KCNJ3: variants seen among roughly 807,000 people sequenced by gnomAD.
KCNJ3 encodes potassium inwardly rectifying channel subfamily J member 3, also known as G protein-activated inward rectifier potassium channel 1.
In KCNJ3, 4 loss-of-function variants were observed where a neutral mutation model predicts 39.2. The ratio of observed to expected loss-of-function variants is 0.10; its 90% CI spans 0.05 to 0.23. The LOEUF (loss-of-function observed/expected upper bound fraction) is 0.23. Ranked by LOEUF, KCNJ3 falls within the 10% of genes least tolerant of loss-of-function variation. The pLI is 1.00. For missense variants in KCNJ3, 276 were observed against 634.9 expected (o/e 0.43, Z 6.08); for synonymous variants, 230 against 237.4 (o/e 0.97, Z 0.29).
rs562673420 is a variant in KCNJ3 at position 154,778,908 on chromosome 2, G to A, written c.919+69089G>A. Among the ~76,000 whole-genome samples the A allele has an allele frequency of 1.5e-4, 23 of 151,934 alleles. No individual in the cohort carries two copies. The East Asian group carries it at 4.3e-3, about 28-fold the overall frequency. On this transcript the variant is annotated intron_variant, in intron 2 of 2. Transcript: ENST00000295101. ...TTTGAAGGGGGCTAAAACTTTTTAC[G>A]TTAGCACCAAAGGGTTGATGCAATG...
intron 2 of KCNJ3, among the ~76,000 whole-genome samples, chr2:154,786,870 A>G (rs1686538980): frequency 6.6e-6 from 1 of 152,168 alleles, no homozygotes; most frequent in African/African-American, 2.4e-5. Flanking sequence ...TTAGACGTGG[A>G]CTCTCAGGGG....
chr2:154,741,296 T>C (rs1214594532), intron 2 of KCNJ3, among the ~76,000 whole-genome samples: 1 of 151,968 alleles, frequency 6.6e-6, no homozygotes, highest in Non-Finnish European at 1.5e-5. Flanking sequence ...CACATTCTGA[T>C]AACTGCTTAT....
chr2:154,851,032 T>G (rs1485439383), intron 2 of KCNJ3, among the ~76,000 whole-genome samples: 1 of 152,028 alleles, frequency 6.6e-6, no homozygotes. Context: ...GGAGGATTAC[T>G]TGAGGCTAGG....
chr2:154,804,150 A>G (rs1363044778), intron 2 of KCNJ3, among the ~76,000 whole-genome samples: 1 of 152,150 alleles, frequency 6.6e-6, no homozygotes, highest in Non-Finnish European at 1.5e-5. Context: ...TAAAAATAAT[A>G]TCTGTTTCAA....
intron 2 of KCNJ3, among the ~76,000 whole-genome samples, chr2:154,735,971 G>T (rs149758343): frequency 6.6e-6 from 1 of 152,204 alleles, no homozygotes; most frequent in African/African-American, 2.4e-5. Flanking sequence ...ATTAAAATCT[G>T]TAATAAGTTC....
chr2:154,747,800 A>G lies in KCNJ3; in HGVS notation c.919+37981A>G, dbSNP rs545019866. On this transcript the variant is annotated intron_variant, in intron 2 of 2. Coordinates refer to ENST00000295101, the MANE Select transcript of KCNJ3 (RefSeq NM_002239.4). ...AACCCAGATAAAGGCCTGTTGTTTGATAGGTGATGTATGGCTCCTGGGAGC... is the reference window on the plus strand; with the variant it reads ...AACCCAGATAAAGGCCTGTTGTTTGGTAGGTGATGTATGGCTCCTGGGAGC... Among the ~76,000 whole-genome samples the G allele has an allele frequency of 2.0e-5, 3 of 152,048 alleles. No homozygotes were observed. In the South Asian group the frequency reaches 6.2e-4, roughly 31 times the overall value.
rs569382053 is a variant in KCNJ3, at chr2:154,736,368, T to C, written c.919+26549T>C. 5.1e-4 allele frequency among the ~76,000 whole-genome samples: 53 copies of C among 103,918 alleles called. 1 individual carries two copies. Among genetic ancestry groups the C allele is most frequent in the South Asian group, 1.3e-3 (4 of 2,994 alleles). 68.2% of individuals were successfully genotyped at this position (103,918 alleles called of 152,430 possible). On this transcript the variant is annotated intron_variant, in intron 2 of 2. Coordinates refer to ENST00000295101, the MANE Select transcript of KCNJ3 (RefSeq NM_002239.4). ...AGTGGAAGAGAGTGACAGGAGTCACTAGTTCTAAAAAAAAAAAAAAAAAAA... is the reference window on the plus strand; with the variant it reads ...AGTGGAAGAGAGTGACAGGAGTCACCAGTTCTAAAAAAAAAAAAAAAAAAA...
rs535087807 is a variant in KCNJ3 at position 154,699,760 on chromosome 2, A to G, written c.702+283A>G. Among the ~76,000 whole-genome samples the G allele has an allele frequency of 2.6e-5, 4 of 152,006 alleles. No homozygotes were observed. The South Asian group carries it at 6.2e-4, about 24-fold the overall frequency. On this transcript the variant is annotated intron_variant, in intron 1 of 2. Transcript: ENST00000295101. This position sits in a 1 kb window ranked among gnomAD's most constrained non-coding sequence, Gnocchi z 6.4. Reference sequence around the variant, plus strand: ...CGTGAGGACTGCTGTTGGCTCCTGGAGCCATGAGGGCAATTAGTGCCCTGT... The same window carrying G: ...CGTGAGGACTGCTGTTGGCTCCTGGGGCCATGAGGGCAATTAGTGCCCTGT...
intron 2 of KCNJ3, among the ~76,000 whole-genome samples, chr2:154,836,700 G>A (rs191758480): frequency 6.6e-6 from 1 of 152,118 alleles, no homozygotes. Flanking sequence ...AAAATTATAG[G>A]GAATTTATTT....
chr2:154,811,753 G>A (rs1260385096), intron 2 of KCNJ3, among the ~76,000 whole-genome samples: 1 of 152,138 alleles, frequency 6.6e-6, no homozygotes, highest in African/African-American at 2.4e-5. Context: ...AAATTTCAGT[G>A]TGTTTTTCAG....
intron 2 of KCNJ3, among the ~76,000 whole-genome samples, chr2:154,754,503 G>T (rs572581756): frequency 2.0e-5 from 3 of 152,246 alleles, no homozygotes; most frequent in African/African-American, 7.2e-5. Flanking sequence ...TCAAACTCCC[G>T]ACCTCCGGCA....
At chr2:154,845,026 C>T (rs1574484568) in intron 2 of KCNJ3, among the ~76,000 whole-genome samples, 1 of 152,322 alleles carries the variant, frequency 6.6e-6, no homozygotes, top group Admixed American at 6.5e-5. Flanking sequence ...CACCTGTCTT[C>T]TGCGTTGATC....
chr2:154,847,228 T>C (rs1345992828), intron 2 of KCNJ3, among the ~76,000 whole-genome samples: 2 of 152,104 alleles, frequency 1.3e-5, no homozygotes, highest in Non-Finnish European at 2.9e-5. Context: ...TTGTGTTTTA[T>C]AAAAAAGATT....
chr2:154,793,091 T>C (rs897047707), intron 2 of KCNJ3, among the ~76,000 whole-genome samples: 1 of 152,086 alleles, frequency 6.6e-6, no homozygotes, highest in African/African-American at 2.4e-5. Flanking sequence ...CCTCCGAATA[T>C]AGTATAGTTT....
intron 2 of KCNJ3, among the ~76,000 whole-genome samples, chr2:154,795,786 A>C (rs1276167225): frequency 6.6e-6 from 1 of 152,096 alleles, no homozygotes; most frequent in African/African-American, 2.4e-5. Flanking sequence ...TTCTTTGTGA[A>C]GTGCTTTCCC....
intron 2 of KCNJ3, among the ~76,000 whole-genome samples, chr2:154,807,888 C>T (rs1574469845): frequency 6.6e-6 from 1 of 152,062 alleles, no homozygotes; most frequent in Non-Finnish European, 1.5e-5. Flanking sequence ...GTTAGTGTCT[C>T]TCCCCACTCT....
chr2:154,761,421 G>A (rs2591168), intron 2 of KCNJ3, among the ~76,000 whole-genome samples: 90,422 of 151,988 alleles, frequency 0.59, 30,952 homozygotes, highest in Non-Finnish European at 0.75. Flanking sequence ...TGCCCCTGTC[G>A]TTATTTTTGT....
chr2:154,834,188 A>G (rs971802137), intron 2 of KCNJ3, among the ~76,000 whole-genome samples: 10 of 152,014 alleles, frequency 6.6e-5, no homozygotes, highest in Admixed American at 5.9e-4. Flanking sequence ...TGATTCCATA[A>G]CCTTACCAGC....
Position 154,756,523 on chromosome 2 carries a change from C to A in KCNJ3, c.919+46704C>A, listed in dbSNP as rs529658801. Among the ~76,000 whole-genome samples the A allele has an allele frequency of 2.7e-5, 4 of 150,330 alleles. No homozygotes were observed. The South Asian group carries it at 6.3e-4, about 24-fold the overall frequency. On this transcript the variant is annotated intron_variant, in intron 2 of 2. Coordinates refer to ENST00000295101, the MANE Select transcript of KCNJ3 (RefSeq NM_002239.4). ...TCCTTAATGCTATCCCTCCCCTAGA[C>A]CCCCACCCCCTGACAGGCCCTGATG...
Sources: gnomAD v4.1 joint callset for allele counts (sites outside exome capture counted in the v4.1 genomes callset) on GRCh38, gnomAD v4.1.1 for gene constraint, Gnocchi (gnomAD v3.1) non-coding constraint, MANE v1.5 for transcripts, NCBI Gene and HGNC (gene_info 2026-07-23, HGNC 2026-07-21) for gene names.